NXPE2: variants seen among roughly 807,000 people sequenced by gnomAD.
The protein encoded by NXPE2 is NXPE family member 2.
Under a neutral mutation model 34.4 loss-of-function variants are expected in NXPE2, and 34 were observed. The ratio of observed to expected loss-of-function variants is 0.99; its 90% CI spans 0.75 to 1.31. The LOEUF (loss-of-function observed/expected upper bound fraction) is 1.31, where lower values mean the gene tolerates loss of function less well. Ranked by LOEUF, NXPE2 falls within the 40% of genes most tolerant of loss-of-function variation. The pLI is 0.00. For missense variants in NXPE2, 649 were observed against 672.5 expected, an observed-to-expected ratio of 0.97 and a Z score of 0.39; for synonymous variants, 235 against 231.3, an observed-to-expected ratio of 1.02 and a Z score of -0.15.
At chr11:114,501,330 C>T in the NXPE2 span, among the ~76,000 whole-genome samples, 1 of 152,154 alleles carries the variant, frequency 6.6e-6, no homozygotes, top group Non-Finnish European at 1.5e-5. Flanking sequence ...CTACCCCTTA[C>T]AGCAAAAAGC....
chr11:114,748,272 G>T, the NXPE2 span, among the ~76,000 whole-genome samples: 3 of 152,036 alleles, frequency 2.0e-5, no homozygotes, highest in African/African-American at 7.2e-5. Context: ...CCTATGTGTT[G>T]CTCCTTTGTC....
At chr11:114,588,056 A>G in the NXPE2 span, among the ~76,000 whole-genome samples, 10 of 152,170 alleles carry the variant, frequency 6.6e-5, no homozygotes, top group African/African-American at 2.4e-4. Flanking sequence ...GCATTGCACA[A>G]TCAGCTCAGC....
chr11:114,737,166 G>A, the NXPE2 span, among the ~76,000 whole-genome samples: 1 of 152,094 alleles, frequency 6.6e-6, no homozygotes, highest in Non-Finnish European at 1.5e-5. Context: ...GAATTTTAGT[G>A]CTGTGTTTTC....
the NXPE2 span, chr11:114,583,004 G>A: frequency 1.2e-6 from 2 of 1,611,144 alleles, no homozygotes; most frequent in African/African-American, 1.3e-5. Context: ...AGATGGATAA[G>A]TTTAGAGCAG....
At chr11:114,536,335 GAT>G in the NXPE2 span, among the ~76,000 whole-genome samples, 1 of 152,176 alleles carries the variant, frequency 6.6e-6, no homozygotes, top group Non-Finnish European at 1.5e-5. Context: ...AAGCAGGAAA[GAT>G]GAAAAATTGA....
At chr11:114,651,597 C>T in the NXPE2 span, among the ~76,000 whole-genome samples, 1 of 152,190 alleles carries the variant, frequency 6.6e-6, no homozygotes, top group South Asian at 2.1e-4. Flanking sequence ...CTGCCCACAT[C>T]CTACTGATTG....
the NXPE2 span, chr11:114,513,349 C>G: frequency 2.1e-5 from 9 of 428,438 alleles, no homozygotes; most frequent in Admixed American, 2.5e-4. Flanking sequence ...TTATTCTTAG[C>G]TTAGTCTCTG....
chr11:114,677,756 T>C (rs79016605), upstream of NXPE2, among the ~76,000 whole-genome samples: 553 of 152,250 alleles, frequency 3.6e-3, 2 homozygotes, highest in African/African-American at 0.013. Flanking sequence ...TCCATATTTA[T>C]ATCTAGATAG....
At chr11:114,748,561 C>T in the NXPE2 span, among the ~76,000 whole-genome samples, 1 of 152,146 alleles carries the variant, frequency 6.6e-6, no homozygotes, top group Non-Finnish European at 1.5e-5. Context: ...AGACTACAGA[C>T]CAGTTACTTT....
At chr11:114,646,856 A>G in the NXPE2 span, among the ~76,000 whole-genome samples, 1 of 152,208 alleles carries the variant, frequency 6.6e-6, no homozygotes, top group Non-Finnish European at 1.5e-5. Flanking sequence ...ATGTTTATCC[A>G]AAAAACAAAA....
At chr11:114,505,071 A>C in the NXPE2 span, among the ~76,000 whole-genome samples, 1 of 152,190 alleles carries the variant, frequency 6.6e-6, no homozygotes, top group Admixed American at 6.5e-5. Flanking sequence ...AAAACACACT[A>C]TAAGAATTTC....
chr11:114,679,247 CGTGTGTGTGTGTGT>C (rs5794927), intron 1 of NXPE2, among the ~76,000 whole-genome samples: 1 of 135,982 alleles, frequency 7.4e-6, no homozygotes, highest in Middle Eastern at 3.3e-3. Flanking sequence ...CATGTGTGTG[CGTGTGTGTGTGTGT>C]GTGTATCAGA....
chr11:114,496,554 T>C, the NXPE2 span, among the ~76,000 whole-genome samples: 6 of 152,302 alleles, frequency 3.9e-5, no homozygotes, highest in African/African-American at 1.4e-4. Context: ...GTGGGGAGGA[T>C]CACAGGAGGC....
chr11:114,803,267 A>G, the NXPE2 span, among the ~76,000 whole-genome samples: 5 of 152,264 alleles, frequency 3.3e-5, no homozygotes, highest in Non-Finnish European at 7.3e-5. Flanking sequence ...GGGACTAAGA[A>G]AAACTGACAA....
At chr11:114,651,213 G>A in the NXPE2 span, among the ~76,000 whole-genome samples, 1 of 152,096 alleles carries the variant, frequency 6.6e-6, no homozygotes, top group Non-Finnish European at 1.5e-5. Context: ...AGTTCTTAAA[G>A]ATGGTGTGTC....
chr11:114,572,725 C>T, the NXPE2 span, among the ~76,000 whole-genome samples: 28 of 151,522 alleles, frequency 1.8e-4, no homozygotes, highest in Non-Finnish European at 3.7e-4. Context: ...GCTAAATGCC[C>T]CAACCTAAGA....
chr11:114,640,806 AT>A, the NXPE2 span, among the ~76,000 whole-genome samples: 20 of 151,722 alleles, frequency 1.3e-4, no homozygotes, highest in African/African-American at 4.8e-4. Flanking sequence ...AGAACTATTT[AT>A]TTTTTCTTCC....
At chr11:114,537,230 AC>A in the NXPE2 span, among the ~76,000 whole-genome samples, 9 of 152,278 alleles carry the variant, frequency 5.9e-5, no homozygotes, top group East Asian at 5.8e-4. Flanking sequence ...AAATTCAACA[AC>A]CCTTCATGCT....
At chr11:114,632,452 AAG>A in the NXPE2 span, among the ~76,000 whole-genome samples, 68 of 130,172 alleles carry the variant, frequency 5.2e-4, no homozygotes, top group African/African-American at 6.4e-4. Flanking sequence ...TATAATTTAT[AAG>A]AGTTATACAT....
Sources: gnomAD v4.1 joint callset for allele counts (sites outside exome capture counted in the v4.1 genomes callset) on GRCh38, gnomAD v4.1.1 for gene constraint, MANE v1.5 for transcripts, NCBI Gene and HGNC (gene_info 2026-07-23, HGNC 2026-07-21) for gene names.